The following MCTP1 variants were observed in gnomAD, a reference collection of about 807,000 sequenced individuals.
The protein encoded by MCTP1 is multiple C2 and transmembrane domain-containing protein 1.
In MCTP1, 69 loss-of-function variants were observed where a neutral mutation model predicts 120.6. That is an observed-to-expected ratio of 0.57 (90% CI 0.47 to 0.70). MCTP1 has a LOEUF of 0.70. MCTP1 is among the 30% of genes least tolerant of loss of function. MCTP1 has a pLI of 0.00. For missense variants in MCTP1, 1,203 were observed against 1,248.8 expected, an observed-to-expected ratio of 0.96 and a Z score of 0.55; for synonymous variants, 529 against 493.1, an observed-to-expected ratio of 1.07 and a Z score of -0.96.
At chr5:95,139,436 A>G (rs1759724555) in intron 1 of MCTP1, among the ~76,000 whole-genome samples, 1 of 152,272 alleles carries the variant, frequency 6.6e-6, no homozygotes, top group Admixed American at 6.5e-5. Flanking sequence ...AAATGAGTGC[A>G]GGTGAGAGCA....
intron 1 of MCTP1, among the ~76,000 whole-genome samples, chr5:95,141,106 G>C (rs1261875532): frequency 6.6e-6 from 1 of 152,020 alleles, no homozygotes; most frequent in Admixed American, 6.6e-5. Flanking sequence ...AAACCTTAAA[G>C]ACGGGGTTAT....
intron 1 of MCTP1, among the ~76,000 whole-genome samples, chr5:95,221,161 A>G (rs2152610212): frequency 1.3e-5 from 2 of 152,358 alleles, no homozygotes; most frequent in Middle Eastern, 6.8e-3. Context: ...CTAACATGCC[A>G]ATGTGCTCTG....
At chr5:95,033,609 A>T (rs761958844) in intron 1 of MCTP1, among the ~76,000 whole-genome samples, 8 of 152,080 alleles carry the variant, frequency 5.3e-5, no homozygotes, top group African/African-American at 7.2e-5. Context: ...TGACAAACCC[A>T]TAGCTAACAT....
chr5:95,266,323 A>G lies in MCTP1; in HGVS notation c.720+17533T>C, dbSNP rs571024407. The stretch of plus-strand genomic sequence containing the variant: ...GTCTTCCTTTTACCCAAGGGTATTA[A>G]CTGAGGGTTCTGGAGTCCATGGATT... On this transcript the variant is annotated intron_variant, in intron 1 of 22. Transcript: ENST00000515393. Among the ~76,000 whole-genome samples the G allele has an allele frequency of 7.7e-4, 118 of 152,348 alleles. 1 individual carries two copies. The highest frequency in any genetic ancestry group is 2.8e-3 in the African/African-American group (116 of 41,582).
chr5:94,712,773 G>C (rs1757544798), intron 20 of MCTP1, among the ~76,000 whole-genome samples: 1 of 151,724 alleles, frequency 6.6e-6, no homozygotes, highest in African/African-American at 2.4e-5. Context: ...CTGCTTGCTT[G>C]TGGAGAGAAC....
At chr5:95,106,427 A>G (rs1188361841) in intron 1 of MCTP1, among the ~76,000 whole-genome samples, 2 of 152,156 alleles carry the variant, frequency 1.3e-5, no homozygotes, top group Non-Finnish European at 2.9e-5. Context: ...GAGCAGAAAG[A>G]GAAAGGGAGA....
chr5:95,165,686 A>G (rs1746248306), intron 1 of MCTP1, among the ~76,000 whole-genome samples: 1 of 152,210 alleles, frequency 6.6e-6, no homozygotes, highest in South Asian at 2.1e-4. Flanking sequence ...TTGAAACTTA[A>G]CCAGAAGGAT....
intron 1 of MCTP1, among the ~76,000 whole-genome samples, chr5:95,021,225 A>T (rs142350536): frequency 6.6e-6 from 1 of 152,088 alleles, no homozygotes; most frequent in Non-Finnish European, 1.5e-5. Context: ...ATTAACGCAT[A>T]TAAGATGTTA....
intron 1 of MCTP1, among the ~76,000 whole-genome samples, chr5:95,119,744 T>C (rs185183601): frequency 1.9e-4 from 29 of 152,292 alleles, no homozygotes; most frequent in African/African-American, 6.7e-4. Flanking sequence ...TAAGCAACTA[T>C]CTGCAATAAA....
intron 1 of MCTP1, among the ~76,000 whole-genome samples, chr5:95,095,529 C>T (rs961583789): frequency 2.6e-5 from 4 of 152,152 alleles, no homozygotes; most frequent in African/African-American, 9.7e-5. Flanking sequence ...GGTTTATTTG[C>T]AGAGCAGCAA....
intron 1 of MCTP1, among the ~76,000 whole-genome samples, chr5:95,244,638 C>T (rs1418642514): frequency 1.3e-5 from 2 of 152,196 alleles, no homozygotes; most frequent in Non-Finnish European, 2.9e-5. Flanking sequence ...GGGACATCTG[C>T]CATTGCTGAG....
At chr5:95,256,515 A>T (rs1757908642) in intron 1 of MCTP1, among the ~76,000 whole-genome samples, 1 of 152,168 alleles carries the variant, frequency 6.6e-6, no homozygotes, top group South Asian at 2.1e-4. Context: ...ACTCCTAACT[A>T]CATTGCATCC....
chr5:94,936,963 T>C (rs1467754971), intron 5 of MCTP1, among the ~76,000 whole-genome samples: 1 of 152,026 alleles, frequency 6.6e-6, no homozygotes, highest in Admixed American at 6.6e-5. Flanking sequence ...AGCTATTGAT[T>C]GTACCCACGA....
chr5:95,074,648 T>C (rs1412289086), intron 1 of MCTP1, among the ~76,000 whole-genome samples: 1 of 152,202 alleles, frequency 6.6e-6, no homozygotes, highest in Non-Finnish European at 1.5e-5. Flanking sequence ...TACAAGTATA[T>C]GTGCAGTGCC....
chr5:95,021,729 T>C (rs1838226390), intron 1 of MCTP1, among the ~76,000 whole-genome samples: 1 of 152,134 alleles, frequency 6.6e-6, no homozygotes, highest in African/African-American at 2.4e-5. Context: ...CTGTATATAA[T>C]GCCTTTTTGA....
chr5:94,874,709 C>T (rs902253031), intron 12 of MCTP1, among the ~76,000 whole-genome samples: 3 of 152,204 alleles, frequency 2.0e-5, no homozygotes, highest in South Asian at 2.1e-4. Flanking sequence ...TCAACTCACA[C>T]ACCCCATGGA....
chr5:94,755,766 T>C (rs17084021), intron 19 of MCTP1, among the ~76,000 whole-genome samples: 2,651 of 152,274 alleles, frequency 0.017, 63 homozygotes, highest in African/African-American at 0.059. Context: ...CTCGGCCCTC[T>C]TCCTCTCATA....
At chr5:94,912,654 A>G (rs1809038247) in intron 9 of MCTP1, 152 bp downstream of exon 9, 2 of 566,844 alleles carry the variant, frequency 3.5e-6, no homozygotes, top group Non-Finnish European at 5.7e-6. Context: ...TAAAAATGCT[A>G]TACAATTATT....
intron 1 of MCTP1, among the ~76,000 whole-genome samples, chr5:95,271,489 T>G (rs1259889262): frequency 6.6e-6 from 1 of 150,638 alleles, no homozygotes; most frequent in Non-Finnish European, 1.5e-5. Flanking sequence ...ACTATATCAA[T>G]AGAGAAACTC....
Sources: allele counts gnomAD v4.1 joint callset (sites outside exome capture counted in the v4.1 genomes callset), GRCh38; gene constraint gnomAD v4.1.1; transcripts MANE v1.5; gene names NCBI Gene and HGNC (gene_info 2026-07-23, HGNC 2026-07-21).